The following DOCK2 variants were observed in gnomAD, a reference collection of about 807,000 sequenced individuals.
DOCK2 encodes the protein dedicator of cytokinesis 2, also known as dedicator of cytokinesis protein 2.
DOCK2 carries 87 observed loss-of-function variants against 248.9 expected under a neutral mutation model. The ratio of observed to expected loss-of-function variants is 0.35; its 90% CI spans 0.29 to 0.42. The LOEUF is 0.42. Among genes scored for constraint, DOCK2 ranks in the 10% least tolerant of loss-of-function variants. The pLI is 1.00. For missense variants in DOCK2, 1,747 were observed against 2,300.2 expected, an observed-to-expected ratio of 0.76 and a Z score of 4.92; for synonymous variants, 805 against 821.6, an observed-to-expected ratio of 0.98 and a Z score of 0.35.
chr5:170,057,994 CA>C (rs150891022), intron 44 of DOCK2, among the ~76,000 whole-genome samples: 331 of 152,302 alleles, frequency 2.2e-3, no homozygotes, highest in South Asian at 0.015. Context: ...ATCTCCCCCT[CA>C]TACTCCTCTC....
intron 34 of DOCK2, among the ~76,000 whole-genome samples, chr5:170,029,356 G>A (rs1756042826): frequency 6.6e-6 from 1 of 152,140 alleles, no homozygotes; most frequent in African/African-American, 2.4e-5. Flanking sequence ...TACACTCACA[G>A]GGCTGTGCAT....
intron 32 of DOCK2, among the ~76,000 whole-genome samples, chr5:170,015,919 C>T (rs1755524029): frequency 6.7e-6 from 1 of 148,818 alleles, no homozygotes; most frequent in South Asian, 2.1e-4. Flanking sequence ...TCCTTCCTTT[C>T]ACCTTTCCTT....
chr5:169,873,804 A>G (rs943219826), intron 27 of DOCK2, among the ~76,000 whole-genome samples: 1 of 152,224 alleles, frequency 6.6e-6, no homozygotes, highest in African/African-American at 2.4e-5. Flanking sequence ...GGAAACTCCC[A>G]GAAGCACTCT....
At chr5:169,759,914 G>A (rs979681606) in intron 24 of DOCK2, 139 bp downstream of exon 24, 1 of 877,266 alleles carries the variant, frequency 1.1e-6, no homozygotes, top group African/African-American at 1.7e-5. Context: ...TGTTTTCAGG[G>A]TTTCCGGTGT....
intron 29 of DOCK2, among the ~76,000 whole-genome samples, chr5:169,990,078 C>A (rs1339326466): frequency 3.1e-5 from 3 of 97,248 alleles, no homozygotes; most frequent in African/African-American, 1.6e-4. Flanking sequence ...AAAGAAAGAA[C>A]CCTCTTAATG....
At chr5:170,025,517 G>A (rs78939114) in intron 33 of DOCK2, among the ~76,000 whole-genome samples, 5,051 of 152,244 alleles carry the variant, frequency 0.033, 159 homozygotes, top group African/African-American at 0.088. Context: ...AGAGGGAAGC[G>A]GTGAGGGATT....
intron 1 of DOCK2, among the ~76,000 whole-genome samples, chr5:169,652,484 T>C (rs1040550959): frequency 2.6e-5 from 4 of 152,062 alleles, no homozygotes; most frequent in African/African-American, 9.7e-5. Context: ...AAAAGGGAGG[T>C]TAGGGATATG....
intron 8 of DOCK2, among the ~76,000 whole-genome samples, chr5:169,688,841 C>T (rs762258428): frequency 2.1e-4 from 32 of 152,264 alleles, no homozygotes; most frequent in East Asian, 7.7e-4. Context: ...CAGATCTTTA[C>T]TCAGTCTTGA....
chr5:169,875,686 T>A (rs986590681), intron 27 of DOCK2: 3 of 172,226 alleles, frequency 1.7e-5, no homozygotes, highest in African/African-American at 7.1e-5. Context: ...CTTTAATCAA[T>A]CTCATCATTG....
intron 22 of DOCK2, among the ~76,000 whole-genome samples, chr5:169,745,528 A>C (rs192825263): frequency 2.0e-5 from 3 of 152,318 alleles, no homozygotes; most frequent in African/African-American, 7.2e-5. Flanking sequence ...TAAAGTGTAG[A>C]GCAAAGCAGT....
intron 25 of DOCK2, among the ~76,000 whole-genome samples, chr5:169,786,773 C>A (rs1680579): frequency 0.14 from 21,885 of 152,040 alleles, 1,759 homozygotes; most frequent in Non-Finnish European, 0.18. Context: ...ATAATATGGA[C>A]TCTATGTATA....
intron 27 of DOCK2, among the ~76,000 whole-genome samples, chr5:169,931,869 G>T (rs1775773274): frequency 6.6e-6 from 1 of 152,180 alleles, no homozygotes; most frequent in South Asian, 2.1e-4. Context: ...CCTCCTGCCT[G>T]CCCTTCTCTA....
intron 48 of DOCK2, 44 bp downstream of exon 48, chr5:170,077,881 C>G: frequency 2.6e-6 from 4 of 1,552,434 alleles, no homozygotes; most frequent in Non-Finnish European, 3.5e-6. Context: ...CCCTGCCTCC[C>G]TGGCTCTATC....
chr5:169,822,259 G>A lies in DOCK2; in HGVS notation c.2704-18498G>A, dbSNP rs112907183. ...CCAGGAATTGAACTCAGCTCTGCAC[G>A]AAGCAGACCTAATAGACATCTACAG... On this transcript the variant is annotated intron_variant, in intron 26 of 51. Coordinates refer to ENST00000520908, the MANE Select transcript of DOCK2 (RefSeq NM_004946.3). Among the ~76,000 whole-genome samples the A allele has an allele frequency of 7.2e-3, 1,089 of 152,178 alleles. 15 individuals carry two copies. The highest frequency in any genetic ancestry group is 0.053 in the South Asian group (258 of 4,824).
intron 27 of DOCK2, among the ~76,000 whole-genome samples, chr5:169,906,277 G>T (rs1337713913): frequency 6.6e-6 from 1 of 152,086 alleles, no homozygotes; most frequent in Non-Finnish European, 1.5e-5. Context: ...TATGTAAAAT[G>T]AGTATGATCA....
At chr5:170,057,293 G>C (rs1435328829) in intron 43 of DOCK2, 1 of 462,712 alleles carries the variant, frequency 2.2e-6, no homozygotes, top group African/African-American at 2.0e-5. Context: ...CCTTCCCCGA[G>C]AAAACAAATG....
Position 169,748,179 on chromosome 5 carries a change from T to A in DOCK2, c.2376+675T>A, listed in dbSNP as rs576081283. On this transcript the variant is annotated intron_variant, in intron 23 of 51. Coordinates refer to ENST00000520908, the MANE Select transcript of DOCK2 (RefSeq NM_004946.3). The stretch of plus-strand genomic sequence containing the variant: ...GCAGATTGCTGCTGCTTTTTTTTTT[T>A]AAATCAATATTATTCTTTTAGATGC... 1.1e-4 allele frequency among the ~76,000 whole-genome samples: 16 copies of A among 151,964 alleles called. No homozygotes were observed. In the East Asian group the frequency reaches 1.4e-3, roughly 13 times the overall value.
chr5:169,723,383 T>A (rs1762304714), intron 22 of DOCK2, among the ~76,000 whole-genome samples: 1 of 152,200 alleles, frequency 6.6e-6, no homozygotes, highest in African/African-American at 2.4e-5. Context: ...AATTTCCTCA[T>A]ATGTAACACG....
chr5:169,641,273 G>T (rs962023229), intron 1 of DOCK2, among the ~76,000 whole-genome samples: 1 of 152,118 alleles, frequency 6.6e-6, no homozygotes, highest in Non-Finnish European at 1.5e-5. Context: ...TTTTTTGGAG[G>T]GGGAGGGCAC....
Sources: allele counts gnomAD v4.1 joint callset (sites outside exome capture counted in the v4.1 genomes callset), GRCh38; gene constraint gnomAD v4.1.1; transcripts MANE v1.5; gene names NCBI Gene and HGNC (gene_info 2026-07-23, HGNC 2026-07-21).